The following TTK variants were observed in gnomAD, a reference collection of about 807,000 sequenced individuals.
TTK encodes TTK protein kinase.
Under a neutral mutation model 117.3 loss-of-function variants are expected in TTK, and 59 were observed. That is an observed-to-expected ratio of 0.50 (90% CI 0.41 to 0.62). The LOEUF is 0.62. Ranked by LOEUF, TTK falls within the 20% of genes least tolerant of loss-of-function variation. The pLI, the probability that TTK is intolerant of heterozygous loss-of-function variation, is 0.00. For synonymous variants in TTK, 302 were observed against 325.0 expected (o/e 0.93, Z 0.76); for missense variants, 921 against 989.4 (o/e 0.93, Z 0.93).
intron 18 of TTK, 97 bp downstream of exon 18, chr6:80,038,144 T>A: frequency 2.5e-6 from 2 of 807,832 alleles, no homozygotes; most frequent in Non-Finnish European, 3.6e-6. Flanking sequence ...CTTTAAGTTC[T>A]AAAACTTTTT....
chr6:80,025,543 AACTTGGTTCTCTAT>A (rs1434499903), intron 11 of TTK, among the ~76,000 whole-genome samples: 1 of 152,194 alleles, frequency 6.6e-6, no homozygotes, highest in Non-Finnish European at 1.5e-5. Context: ...ATTCAAGCAA[AACTTGGTTCTCTAT>A]TTAATTGAGA....
In TTK at chr6:80,011,870, T is replaced by A; in HGVS notation, c.802-16T>A. 6.2e-7 allele frequency: 1 copy of A among 1,612,206 alleles called. No individual in the cohort carries two copies. The highest frequency in any genetic ancestry group is 1.3e-5 in the African/African-American group (1 of 74,964). On this transcript the variant is annotated splice_polypyrimidine_tract_variant and intron_variant, in intron 7 of 21. Coordinates refer to ENST00000369798, the MANE Select transcript of TTK (RefSeq NM_003318.5). ...TATTTCCTAGTTGGTTATTTAATCT[T>A]TCAAAATATTTTTAGTCATGCCCAT... is the stretch of plus-strand genomic sequence containing the variant.
At chr6:80,026,658 T>A in intron 12 of TTK, 144 bp downstream of exon 12, 1 of 1,217,828 alleles carries the variant, frequency 8.2e-7, no homozygotes, top group East Asian at 2.5e-5. Context: ...AGCATCAGTG[T>A]TTTCATCTAT....
intron 10 of TTK, among the ~76,000 whole-genome samples, chr6:80,021,716 T>C (rs1767463720): frequency 6.6e-6 from 1 of 152,150 alleles, no homozygotes; most frequent in South Asian, 2.1e-4. Context: ...GTTTGTGTCA[T>C]CTTGACTTCA....
chr6:80,011,018 G>A (rs1279116147), intron 5 of TTK, 61 bp downstream of exon 5: 2 of 1,474,992 alleles, frequency 1.4e-6, no homozygotes, highest in African/African-American at 1.4e-5. Flanking sequence ...AAAGATTCGG[G>A]ATAATAATTT....
chr6:80,039,069 A>T (rs1342874081), intron 18 of TTK, among the ~76,000 whole-genome samples: 2 of 152,124 alleles, frequency 1.3e-5, no homozygotes, highest in Non-Finnish European at 2.9e-5. Flanking sequence ...TTAATTTCAT[A>T]TAACTAATTA....
chr6:80,032,723 T>C (rs1767791780), intron 14 of TTK, among the ~76,000 whole-genome samples: 2 of 152,206 alleles, frequency 1.3e-5, no homozygotes, highest in African/African-American at 4.8e-5. Flanking sequence ...ATCTCTAGAA[T>C]CTATTTCTCA....
chr6:80,036,009 A>C (rs1483383761), intron 16 of TTK, among the ~76,000 whole-genome samples: 1 of 152,062 alleles, frequency 6.6e-6, no homozygotes, highest in African/African-American at 2.4e-5. Context: ...ACCAGTGATC[A>C]AGATCAGGGC....
At chr6:80,011,026 T>G in intron 5 of TTK, 69 bp downstream of exon 5, 2 of 1,449,592 alleles carry the variant, frequency 1.4e-6, no homozygotes, top group South Asian at 3.0e-5. Context: ...GGGATAATAA[T>G]TTATAGAAAA....
intron 11 of TTK, among the ~76,000 whole-genome samples, chr6:80,025,319 T>C (rs988261716): frequency 6.6e-6 from 1 of 152,138 alleles, no homozygotes; most frequent in Non-Finnish European, 1.5e-5. Flanking sequence ...AAATTTATCC[T>C]GGAAAAAAAA....
rs966001454 is a variant in TTK at position 80,032,580 on chromosome 6, T to C, written c.1614+1021T>C. 6.6e-5 allele frequency among the ~76,000 whole-genome samples: 10 copies of C among 152,232 alleles called. No individual in the cohort carries two copies. The South Asian group carries it at 1.9e-3, about 28-fold the overall frequency. ...AAAACAATATGTCCAAACACAACTCTTGCTCCATAGCTTTTCCCATTTGAG... is the reference window on the plus strand; with the variant it reads ...AAAACAATATGTCCAAACACAACTCCTGCTCCATAGCTTTTCCCATTTGAG... On this transcript the variant is annotated intron_variant, in intron 14 of 21. Coordinates refer to ENST00000369798, the MANE Select transcript of TTK (RefSeq NM_003318.5).
intron 13 of TTK, 22 bp from the exon 14 acceptor site, chr6:80,031,445 T>A: frequency 7.1e-7 from 1 of 1,412,218 alleles, no homozygotes; most frequent in East Asian, 2.7e-5. Context: ...TTAACTTTTA[T>A]TTATATATTT....
At chr6:80,020,009 T>C (rs1767415054) in intron 10 of TTK, among the ~76,000 whole-genome samples, 2 of 152,144 alleles carry the variant, frequency 1.3e-5, no homozygotes, top group African/African-American at 4.8e-5. Flanking sequence ...CATTTACTTA[T>C]AAGCCAATTT....
chr6:80,005,974 A>C lies in TTK; in HGVS notation c.131A>C (p.Asp44Ala). The C allele has an allele frequency of 6.2e-7, 1 of 1,603,838 alleles. No homozygotes were observed. Among genetic ancestry groups the C allele is most frequent in the South Asian group, 1.1e-5 (1 of 89,414 alleles). Residue 44 changes from aspartate to alanine, a missense_variant, in exon 2 of 22, where the codon GAT becomes GCT. Transcript: ENST00000369798. ...DELSLNKISA[D>A]TTDNSGTVNQ... ...CTAAGCTTGAATAAAATTTCTGCTG[A>C]TACTACAGGTGAGTTTTTCTTTTCT...
chr6:80,022,844 C>T (rs1350657602), intron 11 of TTK, among the ~76,000 whole-genome samples: 1 of 152,194 alleles, frequency 6.6e-6, no homozygotes, highest in Non-Finnish European at 1.5e-5. Flanking sequence ...TTAGAGACCA[C>T]TTGGCCTGCA....
Position 80,031,570 on chromosome 6 carries a change from T to C in TTK, c.1614+11T>C, listed in dbSNP as rs756933864. The C allele has an allele frequency of 6.8e-7, 1 of 1,460,078 alleles. No homozygotes were observed. Among genetic ancestry groups the C allele is most frequent in the Admixed American group, 2.6e-5 (1 of 38,122 alleles). The allele number at this position is 1,460,078 out of a possible 1,614,324, so 90.4% of individuals were successfully genotyped here. ...GGAGGTTCAAGCAAGGTAAGTATCT[T>C]AAAATATTTACGAAATAAATAAAAA... is the stretch of plus-strand genomic sequence containing the variant. On this transcript the variant is annotated intron_variant, in intron 14 of 21. Transcript: ENST00000369798.
intron 13 of TTK, among the ~76,000 whole-genome samples, chr6:80,029,767 C>T (rs1767705235): frequency 6.6e-6 from 1 of 152,186 alleles, no homozygotes; most frequent in South Asian, 2.1e-4. Context: ...GAAACTCTAA[C>T]CACAGTGAGT....
intron 10 of TTK, among the ~76,000 whole-genome samples, chr6:80,020,933 G>A (rs1767442473): frequency 6.6e-6 from 1 of 152,166 alleles, no homozygotes; most frequent in Admixed American, 6.5e-5. Flanking sequence ...CCCAAGAAGG[G>A]GAGACTGGAG....
chr6:80,027,718 C>T (rs979286130), intron 12 of TTK, among the ~76,000 whole-genome samples, 167 bp from the exon 13 acceptor site: 1 of 152,064 alleles, frequency 6.6e-6, no homozygotes, highest in Non-Finnish European at 1.5e-5. Context: ...ATTAAATATC[C>T]GGTGGTGGCA....
Sources: gnomAD v4.1 joint callset for allele counts (sites outside exome capture counted in the v4.1 genomes callset) on GRCh38, gnomAD v4.1.1 for gene constraint, MANE v1.5 for transcripts, NCBI Gene and HGNC (gene_info 2026-07-23, HGNC 2026-07-21) for gene names.